The following LHFPL6 variants were observed in gnomAD, a reference collection of about 807,000 sequenced individuals.
LHFPL6 encodes the protein LHFPL tetraspan subfamily member 6 protein.
In LHFPL6, 9 loss-of-function variants were observed where a neutral mutation model predicts 20.6. The ratio of observed to expected loss-of-function variants is 0.44; its 90% CI spans 0.26 to 0.76. The LOEUF (loss-of-function observed/expected upper bound fraction) is 0.76, where lower values mean the gene tolerates loss of function less well. Ranked by LOEUF, LHFPL6 falls within the 30% of genes least tolerant of loss-of-function variation. The pLI, the probability that LHFPL6 is intolerant of heterozygous loss-of-function variation, is 0.20. For synonymous variants in LHFPL6, 105 were observed against 98.7 expected (o/e 1.06, Z -0.38); for missense variants, 218 against 253.5 (o/e 0.86, Z 0.95).
At position 39,378,484 on chromosome 13, in the gene LHFPL6, C is replaced by T. The variant is rs1431730282; in HGVS notation, c.428G>A (p.Trp143Ter). 1.9e-6 allele frequency: 3 copies of T among 1,613,990 alleles called. No homozygotes were observed. Among genetic ancestry groups the T allele is most frequent in the Non-Finnish European group, 2.5e-6 (3 of 1,179,944 alleles). The change falls in exon 3 of 4, where the codon TGG becomes TAG. Residue 143 changes from tryptophan (W) to a stop codon, truncating the protein, a stop_gained. Coordinates refer to ENST00000379589, the MANE Select transcript of LHFPL6 (RefSeq NM_005780.3). LOFTEE classifies it high-confidence loss of function. ...AGTCTGCCGGACTTCCTCACTGTCC[C>T]AGCCCAAGGGGTAGAGGGCACAGCC... ...GAGCALYPLG[W>*]DSEEVRQTCG...
At chr13:39,587,773 AT>A (rs1258437718) in intron 2 of LHFPL6, among the ~76,000 whole-genome samples, 4 of 152,018 alleles carry the variant, frequency 2.6e-5, no homozygotes, top group Admixed American at 2.6e-4. Context: ...TGTCCATTAG[AT>A]AGGAGTGATA....
chr13:39,514,919 A>G (rs1869852395), intron 2 of LHFPL6, among the ~76,000 whole-genome samples: 1 of 152,252 alleles, frequency 6.6e-6, no homozygotes, highest in Non-Finnish European at 1.5e-5. Context: ...CATATTGGAA[A>G]ACAAGCTCCA....
intron 2 of LHFPL6, among the ~76,000 whole-genome samples, chr13:39,549,185 A>T (rs940127705): frequency 2.0e-5 from 3 of 152,160 alleles, no homozygotes; most frequent in Non-Finnish European, 4.4e-5. Context: ...GAAAAAAAAA[A>T]TTGAAATCAC....
chr13:39,580,204 G>A (rs1872238383), intron 2 of LHFPL6, among the ~76,000 whole-genome samples: 1 of 151,986 alleles, frequency 6.6e-6, no homozygotes, highest in Admixed American at 6.6e-5. Context: ...GGGAATTAAA[G>A]ATGGGGTCTC....
chr13:39,497,002 G>C (rs1424616081), intron 2 of LHFPL6, among the ~76,000 whole-genome samples: 3 of 152,150 alleles, frequency 2.0e-5, no homozygotes, highest in Admixed American at 1.3e-4. Flanking sequence ...GCTTATCCCA[G>C]ATCTAACTGC....
At chr13:39,446,412 T>G (rs1016364225) in intron 2 of LHFPL6, among the ~76,000 whole-genome samples, 12 of 152,210 alleles carry the variant, frequency 7.9e-5, no homozygotes, top group Non-Finnish European at 1.2e-4. Flanking sequence ...TCTCCCGATG[T>G]ACAGCTGGAG....
At chr13:39,584,553 T>A (rs908658303) in intron 2 of LHFPL6, among the ~76,000 whole-genome samples, 9 of 151,580 alleles carry the variant, frequency 5.9e-5, no homozygotes, top group African/African-American at 2.2e-4. Flanking sequence ...AACCATTAAT[T>A]TTTTTCTTTA....
intron 2 of LHFPL6, among the ~76,000 whole-genome samples, chr13:39,451,949 C>T (rs950021013): frequency 4.6e-5 from 7 of 151,872 alleles, no homozygotes; most frequent in African/African-American, 9.7e-5. Flanking sequence ...TGTGTGTGTG[C>T]GCATGCACGT....
At chr13:39,599,043 T>C (rs921255867) in intron 2 of LHFPL6, among the ~76,000 whole-genome samples, 5 of 152,250 alleles carry the variant, frequency 3.3e-5, no homozygotes, top group African/African-American at 4.8e-5. Context: ...AAAAAAAATC[T>C]ATACATAGCT....
At chr13:39,562,433 T>TATATAC (rs1566142020) in intron 2 of LHFPL6, among the ~76,000 whole-genome samples, 889 of 84,352 alleles carry the variant, frequency 0.011, 32 homozygotes, top group East Asian at 0.022. Context: ...CATATATACA[T>TATATAC]ATATACATAT....
intron 2 of LHFPL6, among the ~76,000 whole-genome samples, chr13:39,535,000 C>T (rs923216099): frequency 2.0e-5 from 3 of 152,128 alleles, no homozygotes; most frequent in Non-Finnish European, 4.4e-5. Context: ...CTCAGCCAAG[C>T]CTCTAGAGGA....
At chr13:39,565,963 G>GT (rs1442871973) in intron 2 of LHFPL6, among the ~76,000 whole-genome samples, 1 of 152,176 alleles carries the variant, frequency 6.6e-6, no homozygotes, top group Non-Finnish European at 1.5e-5. Context: ...CAGAAAAACA[G>GT]TAAGGACATT....
chr13:39,590,992 T>A (rs1005170448), intron 2 of LHFPL6, among the ~76,000 whole-genome samples: 1 of 152,208 alleles, frequency 6.6e-6, no homozygotes, highest in Non-Finnish European at 1.5e-5. Context: ...AAGACTCTAC[T>A]CTGCCTAAAG....
intron 2 of LHFPL6, among the ~76,000 whole-genome samples, chr13:39,540,898 G>A (rs547009011): frequency 9.5e-4 from 145 of 152,200 alleles, no homozygotes; most frequent in African/African-American, 3.0e-3. Context: ...CAAACATTTA[G>A]AACACGTTAA....
At chr13:39,353,719 A>G (rs2138339380) in intron 3 of LHFPL6, among the ~76,000 whole-genome samples, 1 of 152,238 alleles carries the variant, frequency 6.6e-6, no homozygotes, top group South Asian at 2.1e-4. Context: ...CAGAACAAAA[A>G]ACAAACAAAC....
intron 2 of LHFPL6, among the ~76,000 whole-genome samples, chr13:39,479,147 A>G (rs1868417403): frequency 6.6e-6 from 1 of 151,736 alleles, no homozygotes. Context: ...CTATCTATCT[A>G]TCTATCTATC....
intron 3 of LHFPL6, among the ~76,000 whole-genome samples, chr13:39,362,863 G>A (rs1869912744): frequency 6.6e-6 from 1 of 152,170 alleles, no homozygotes; most frequent in Non-Finnish European, 1.5e-5. Context: ...GACAATTCAG[G>A]AGATGAATAA....
intron 2 of LHFPL6, among the ~76,000 whole-genome samples, chr13:39,483,778 C>G (rs991651059): frequency 6.6e-6 from 1 of 152,034 alleles, no homozygotes; most frequent in Admixed American, 6.5e-5. Context: ...AAATATTCAG[C>G]CAGCACTTGC....
intron 2 of LHFPL6, among the ~76,000 whole-genome samples, chr13:39,397,203 C>T (rs1010913): frequency 0.05 from 7,576 of 152,116 alleles, 191 homozygotes; most frequent in Middle Eastern, 0.071. Flanking sequence ...ACTTCTGTTT[C>T]CCACCCCATC....
Sources: allele counts gnomAD v4.1 joint callset (sites outside exome capture counted in the v4.1 genomes callset), GRCh38; gene constraint gnomAD v4.1.1; transcripts MANE v1.5; gene names NCBI Gene and HGNC (gene_info 2026-07-23, HGNC 2026-07-21).